Variants in CHD6 observed in about 807,000 individuals in gnomAD.
CHD6 encodes the protein ATP-dependent chromatin remodeler CHD6.
Under a neutral mutation model 276.9 loss-of-function variants are expected in CHD6, and 50 were observed. The ratio of observed to expected loss-of-function variants is 0.18; its 90% CI spans 0.14 to 0.23. The LOEUF (loss-of-function observed/expected upper bound fraction) is 0.23, where lower values mean the gene tolerates loss of function less well. CHD6 is among the 10% of genes least tolerant of loss of function. The probability of loss-of-function intolerance (pLI) is 1.00; values close to 1 mark genes in which losing one functional copy is unlikely to be tolerated. For missense variants in CHD6, 2,564 were observed against 3,365.8 expected, an observed-to-expected ratio of 0.76 and a Z score of 5.89; for synonymous variants, 1,173 against 1,229.3, an observed-to-expected ratio of 0.95 and a Z score of 0.96.
At chr20:41,469,598 G>A (rs778245543) in intron 17 of CHD6, among the ~76,000 whole-genome samples, 2 of 152,176 alleles carry the variant, frequency 1.3e-5, no homozygotes, top group Non-Finnish European at 2.9e-5. Context: ...GGTGTTATGG[G>A]AAACCTAGAC....
chr20:41,480,527 C>T (rs1345613478), intron 16 of CHD6, among the ~76,000 whole-genome samples: 2 of 152,066 alleles, frequency 1.3e-5, no homozygotes, highest in South Asian at 4.2e-4. Flanking sequence ...CAAATATTAA[C>T]CTAACTCAAA....
chr20:41,415,631 A>C lies in CHD6; in HGVS notation c.6494T>G (p.Phe2165Cys), dbSNP rs769382525. Residue 2165 changes from phenylalanine (F) to cysteine (C), a missense_variant, in exon 34 of 37, where the codon TTC (phenylalanine) becomes TGC (cysteine). Around this residue, in one of 7 missense-constraint regions of CHD6, gnomAD observed 1,024 missense variants for 1,047.9 expected, o/e 0.98. Transcript: ENST00000373233. ...ATCCTTTGTGAATACTGGAGCTAAG[A>C]AGCTCTCCTGTGAACACACAAACAG... ...ALAAQIHKES[F>C]LAPVFTKDEQ... is the part of the protein sequence containing the mutation. The C allele has an allele frequency of 6.9e-6, 11 of 1,588,274 alleles. No homozygotes were observed. The highest frequency in any genetic ancestry group is 1.7e-5 in the Admixed American group (1 of 57,676).
intron 26 of CHD6, 105 bp downstream of exon 26, chr20:41,439,895 T>C: frequency 2.5e-6 from 3 of 1,187,150 alleles, no homozygotes. Flanking sequence ...TGTAGGGAGA[T>C]GCCAGATGCT....
chr20:41,507,002 G>A lies in CHD6; in HGVS notation c.852+5844C>T, dbSNP rs368038881. Among the ~76,000 whole-genome samples the A allele has an allele frequency of 1.5e-3, 231 of 152,322 alleles. 1 individual carries two copies. In the Middle Eastern group the frequency reaches 0.02, roughly 13 times the overall value. Reference sequence around the variant, plus strand: ...GAAGAGGCTCTGGAAATGATATGACGTATGAGTTACATCTGTAGGCAAGCA... The same window carrying A: ...GAAGAGGCTCTGGAAATGATATGACATATGAGTTACATCTGTAGGCAAGCA... On this transcript the variant is annotated intron_variant, in intron 5 of 36. Transcript: ENST00000373233.
intron 12 of CHD6, among the ~76,000 whole-genome samples, chr20:41,489,054 T>G (rs892253910): frequency 6.6e-6 from 1 of 152,194 alleles, no homozygotes; most frequent in Admixed American, 6.5e-5. Context: ...ATGATTCTGA[T>G]GCACCTAAGA....
chr20:41,548,170 A>G (rs1417749576), intron 2 of CHD6, among the ~76,000 whole-genome samples: 1 of 152,250 alleles, frequency 6.6e-6, no homozygotes, highest in Non-Finnish European at 1.5e-5. Context: ...CAATTCAGTT[A>G]TCAGTATGGC....
At chr20:41,573,702 C>T (rs2146212988) in intron 1 of CHD6, among the ~76,000 whole-genome samples, 1 of 152,228 alleles carries the variant, frequency 6.6e-6, no homozygotes, top group South Asian at 2.1e-4. Flanking sequence ...AAGACCTAAG[C>T]TTTAAAAACC....
At chr20:41,466,695 G>A (rs1452435765) in intron 17 of CHD6, among the ~76,000 whole-genome samples, 1 of 152,120 alleles carries the variant, frequency 6.6e-6, no homozygotes, top group East Asian at 1.9e-4. Flanking sequence ...ATTACAAGAG[G>A]GAGCTGAAAA....
chr20:41,421,022 C>T lies in CHD6; in HGVS notation c.5613G>A (p.Glu1871=). 6.2e-7 allele frequency: 1 copy of T among 1,613,724 alleles called. No homozygotes were observed. The highest frequency in any genetic ancestry group is 8.5e-7 in the Non-Finnish European group (1 of 1,179,784). ...QNHSDEEEEE[E]ENEEENLAMA... ...TGGCTAAGTTTTCCTCCTCGTTTTC[C>T]TCCTCTTCTTCCTCCTCATCACTGT... is the stretch of plus-strand genomic sequence containing the variant. Residue 1871 remains glutamate, a synonymous_variant, in exon 31 of 37, where the codon GAG becomes GAA. Transcript: ENST00000373233.
At chr20:41,450,140 C>T (rs958380208) in intron 23 of CHD6, among the ~76,000 whole-genome samples, 1 of 152,114 alleles carries the variant, frequency 6.6e-6, no homozygotes, top group African/African-American at 2.4e-5. Context: ...AAACAAAACA[C>T]CCCACAACCC....
At chr20:41,417,583 G>A (rs918343956) in intron 31 of CHD6, among the ~76,000 whole-genome samples, 2 of 152,290 alleles carry the variant, frequency 1.3e-5, no homozygotes, top group Admixed American at 6.5e-5. Context: ...GTGAGCATTT[G>A]CATCCATATC....
chr20:41,479,249 G>A (rs1209013394), intron 16 of CHD6, among the ~76,000 whole-genome samples: 1 of 151,882 alleles, frequency 6.6e-6, no homozygotes, highest in Non-Finnish European at 1.5e-5. Flanking sequence ...AGAGAATGGG[G>A]CAAAAACAAA....
intron 1 of CHD6, among the ~76,000 whole-genome samples, chr20:41,586,031 G>A (rs1035277774): frequency 6.6e-5 from 10 of 152,128 alleles, no homozygotes; most frequent in Admixed American, 3.3e-4. Context: ...AAAAGCAGGA[G>A]GTAAAGAAAT....
intron 17 of CHD6, among the ~76,000 whole-genome samples, chr20:41,467,452 G>A (rs2042946628): frequency 6.7e-6 from 1 of 150,106 alleles, no homozygotes; most frequent in African/African-American, 2.4e-5. Context: ...CTAATCCCTG[G>A]AGAAAATTAT....
intron 1 of CHD6, among the ~76,000 whole-genome samples, chr20:41,599,950 A>T (rs535550629): frequency 8.5e-5 from 13 of 152,340 alleles, no homozygotes; most frequent in Non-Finnish European, 1.3e-4. Flanking sequence ...CAGAAACAGG[A>T]ACTATATAGG....
Position 41,413,118 on chromosome 20 carries a change from G to A in CHD6, c.7131+206C>T, listed in dbSNP as rs1163617819. 2.0e-5 allele frequency among the ~76,000 whole-genome samples: 3 copies of A among 152,160 alleles called. No individual in the cohort carries two copies. In the East Asian group the frequency reaches 5.8e-4, roughly 29 times the overall value. On this transcript the variant is annotated intron_variant, in intron 35 of 36. Coordinates refer to ENST00000373233, the MANE Select transcript of CHD6 (RefSeq NM_032221.5). ...TGTCTACTTTTTGGCATAGTATTTT[G>A]AGATGGGCTATCATTTCTATTACTG...
At chr20:41,534,617 C>G (rs1327083281) in intron 2 of CHD6, among the ~76,000 whole-genome samples, 1 of 152,008 alleles carries the variant, frequency 6.6e-6, no homozygotes, top group African/African-American at 2.4e-5. Flanking sequence ...TCAATACAGT[C>G]CAGCCTCATA....
chr20:41,438,923 C>T (rs904940236), intron 26 of CHD6, among the ~76,000 whole-genome samples: 1 of 152,234 alleles, frequency 6.6e-6, no homozygotes, highest in Non-Finnish European at 1.5e-5. Flanking sequence ...GGAAAATGCA[C>T]TGCACACTTT....
intron 17 of CHD6, among the ~76,000 whole-genome samples, chr20:41,469,305 T>C (rs948649925): frequency 1.3e-5 from 2 of 152,262 alleles, no homozygotes; most frequent in Admixed American, 6.5e-5. Flanking sequence ...CAGCCCACCG[T>C]TGTTATCTTG....
Sources: allele counts gnomAD v4.1 joint callset (sites outside exome capture counted in the v4.1 genomes callset), GRCh38; gene constraint gnomAD v4.1.1; regional missense constraint gnomAD v4.1.1; transcripts MANE v1.5; gene names NCBI Gene and HGNC (gene_info 2026-07-23, HGNC 2026-07-21).